METTL16: variants seen among roughly 807,000 people sequenced by gnomAD.
METTL16 encodes the protein RNA N(6)-adenosine-methyltransferase METTL16.
Under a neutral mutation model 57.9 loss-of-function variants are expected in METTL16, and 19 were observed. The observed-to-expected ratio is 0.33, with a 90% CI of 0.23 to 0.48. METTL16 has a LOEUF of 0.48. METTL16 is among the 20% of genes least tolerant of loss of function. The pLI is 0.99. For missense variants in METTL16, 434 were observed against 691.5 expected (o/e 0.63, Z 4.18); for synonymous variants, 246 against 255.6 (o/e 0.96, Z 0.36).
chr17:2,453,038 T>G (rs1442856676), intron 6 of METTL16, among the ~76,000 whole-genome samples: 1 of 152,018 alleles, frequency 6.6e-6, no homozygotes, highest in Non-Finnish European at 1.5e-5. Context: ...TTTTGTATTT[T>G]CCCTAGAGAC....
At chr17:2,445,605 G>A (rs973075536) in intron 6 of METTL16, among the ~76,000 whole-genome samples, 7 of 151,784 alleles carry the variant, frequency 4.6e-5, no homozygotes, top group Non-Finnish European at 7.4e-5. Flanking sequence ...GGCCAATATG[G>A]CAAAACCCCG....
intron 2 of METTL16, among the ~76,000 whole-genome samples, chr17:2,492,412 G>C (rs887778401): frequency 3.9e-5 from 6 of 152,032 alleles, no homozygotes; most frequent in African/African-American, 1.4e-4. Context: ...TAAGATATCA[G>C]AGTAGCAATC....
At chr17:2,503,193 A>G (rs1301165437) in intron 1 of METTL16, among the ~76,000 whole-genome samples, 2 of 152,252 alleles carry the variant, frequency 1.3e-5, no homozygotes, top group Non-Finnish European at 2.9e-5. Context: ...GGTGGGAAAC[A>G]ATCTGAGTGT....
intron 1 of METTL16, among the ~76,000 whole-genome samples, chr17:2,507,541 G>A (rs2067553644): frequency 6.7e-6 from 1 of 150,174 alleles, no homozygotes; most frequent in African/African-American, 2.5e-5. Flanking sequence ...CGCCCCATCC[G>A]GGAGGTGAGG....
intron 7 of METTL16, among the ~76,000 whole-genome samples, chr17:2,439,736 T>C (rs2066933626): frequency 6.6e-6 from 1 of 152,218 alleles, no homozygotes; most frequent in Non-Finnish European, 1.5e-5. Context: ...TCACCCTGTT[T>C]TTCTCCACCT....
At chr17:2,493,465 TC>T (rs2067416923) in intron 2 of METTL16, among the ~76,000 whole-genome samples, 1 of 150,886 alleles carries the variant, frequency 6.6e-6, no homozygotes, top group South Asian at 2.2e-4. Context: ...ACACCTGTAA[TC>T]CCAGCACTTT....
At chr17:2,426,747 A>T (rs1284181759) in intron 8 of METTL16, among the ~76,000 whole-genome samples, 3 of 151,416 alleles carry the variant, frequency 2.0e-5, no homozygotes, top group African/African-American at 4.8e-5. Flanking sequence ...AAAAAAAAAA[A>T]AAAAAGTAAA....
rs1327951325 is a variant in METTL16 at position 2,428,721 on chromosome 17, A to AC, written c.889-7818dup. On this transcript the variant is annotated intron_variant, in intron 8 of 9. Coordinates refer to ENST00000263092, the MANE Select transcript of METTL16 (RefSeq NM_024086.4). ...AGACCAGCATGGGCAACATAGTAAG[A>AC]CCCCATCTCTATTTAATAAAAAGAA... Among the ~76,000 whole-genome samples, 8 of 147,754 alleles carry AC rather than the reference A, an allele frequency of 5.4e-5. No individual in the cohort carries two copies. The Admixed American group carries it at 5.4e-4, about 10-fold the overall frequency.
chr17:2,467,700 A>C lies in METTL16; in HGVS notation c.585+61T>G, dbSNP rs766571158. 212 of 1,295,950 alleles carry C rather than the reference A, an allele frequency of 1.6e-4. 1 individual carries two copies. The highest frequency in any genetic ancestry group is 2.3e-4 in the Non-Finnish European group (208 of 894,550). 80.3% of individuals were successfully genotyped at this position (1,295,950 alleles called of 1,614,324 possible). A position where few individuals can be genotyped will look rare whatever the true frequency, so the allele number is the denominator to read the frequency against. On this transcript the variant is annotated intron_variant, in intron 5 of 9. Transcript: ENST00000263092. ...CTTGGCCTCCCAAAGTGCAGGGATT[A>C]CAGGCGTGAGCCACCGCGCCCAGCC...
At chr17:2,469,786 G>C (rs777082625) in intron 4 of METTL16, among the ~76,000 whole-genome samples, 4 of 152,162 alleles carry the variant, frequency 2.6e-5, no homozygotes, top group Non-Finnish European at 5.9e-5. Flanking sequence ...CTCCCAAAGA[G>C]CTGGGATTAC....
At chr17:2,509,954 G>A (rs541915656) in intron 1 of METTL16, among the ~76,000 whole-genome samples, 4 of 151,634 alleles carry the variant, frequency 2.6e-5, no homozygotes, top group Non-Finnish European at 5.9e-5. Context: ...GTGGGTGCCT[G>A]TAATCCCAGC....
intron 4 of METTL16, 103 bp downstream of exon 4, chr17:2,473,421 A>G: frequency 7.6e-7 from 1 of 1,316,742 alleles, no homozygotes; most frequent in Non-Finnish European, 1.0e-6. Flanking sequence ...ATTTTTTTAA[A>G]TTACCGAAGT....
intron 2 of METTL16, among the ~76,000 whole-genome samples, chr17:2,501,980 C>T (rs763906398): frequency 6.6e-6 from 1 of 152,010 alleles, no homozygotes; most frequent in South Asian, 2.1e-4. Flanking sequence ...ATTTGGACAT[C>T]AAGAGAATTT....
In METTL16 at chr17:2,420,965, C is replaced by A. The variant is rs1290579224; in HGVS notation, c.889-61G>T. The A allele has an allele frequency of 1.3e-6, 2 of 1,558,970 alleles. No homozygotes were observed. Among genetic ancestry groups the A allele is most frequent in the East Asian group, 4.5e-5 (2 of 44,552 alleles). On this transcript the variant is annotated intron_variant, in intron 8 of 9. Coordinates refer to ENST00000263092, the MANE Select transcript of METTL16 (RefSeq NM_024086.4). This position sits in a 1 kb window ranked among gnomAD's most constrained non-coding sequence, Gnocchi z 5.4. ...GTTATCCGAATAATTAAACCTCATG[C>A]ATTGTAATGAACTCAGAGAAAATTT...
intron 2 of METTL16, among the ~76,000 whole-genome samples, chr17:2,492,020 G>A (rs1192485162): frequency 6.6e-6 from 1 of 151,180 alleles, no homozygotes; most frequent in Non-Finnish European, 1.5e-5. Flanking sequence ...GACCATCCTG[G>A]CTAACACGGT....
intron 6 of METTL16, among the ~76,000 whole-genome samples, chr17:2,457,937 C>T (rs904609286): frequency 1.3e-5 from 2 of 152,010 alleles, no homozygotes; most frequent in African/African-American, 4.8e-5. Context: ...TGGAGTGCAG[C>T]GGCATAAACA....
chr17:2,470,887 G>A (rs1477884285), intron 4 of METTL16, among the ~76,000 whole-genome samples: 1 of 152,120 alleles, frequency 6.6e-6, no homozygotes, highest in African/African-American at 2.4e-5. Flanking sequence ...TATTTGGAGA[G>A]GCAAAAGACT....
intron 2 of METTL16, among the ~76,000 whole-genome samples, chr17:2,492,171 A>C (rs996126335): frequency 2.0e-5 from 3 of 152,150 alleles, no homozygotes; most frequent in Non-Finnish European, 4.4e-5. Flanking sequence ...AGATTGCGCC[A>C]CTGCACTCCA....
At chr17:2,474,401 A>AAAAAAAAAAG (rs1567898319) in intron 3 of METTL16, among the ~76,000 whole-genome samples, 1 of 151,156 alleles carries the variant, frequency 6.6e-6, no homozygotes, top group African/African-American at 2.4e-5. Flanking sequence ...AAAAAAAAAA[A>AAAAAAAAAAG]AAAAAAGCTA....
Sources: gnomAD v4.1 joint callset for allele counts (sites outside exome capture counted in the v4.1 genomes callset) on GRCh38, gnomAD v4.1.1 for gene constraint, Gnocchi (gnomAD v3.1) non-coding constraint, MANE v1.5 for transcripts, NCBI Gene and HGNC (gene_info 2026-07-23, HGNC 2026-07-21) for gene names.